The following LUZP1 variants were observed in gnomAD, a reference collection of about 807,000 sequenced individuals.
LUZP1 encodes the protein filamin mechanobinding actin cross-linking protein.
A neutral mutation model predicts 71.3 loss-of-function variants in LUZP1; 25 were observed. That is an observed-to-expected ratio of 0.35 (90% CI 0.26 to 0.49). The LOEUF (loss-of-function observed/expected upper bound fraction) is 0.49. Among genes scored for constraint, LUZP1 ranks in the 20% least tolerant of loss-of-function variants. The pLI is 0.99. For missense variants in LUZP1, 1,142 were observed against 1,300.8 expected (o/e 0.88, Z 1.88); for synonymous variants, 481 against 506.4 (o/e 0.95, Z 0.67).
At chr1:23,110,538 GACT>G (rs1644019416) in intron 2 of LUZP1, among the ~76,000 whole-genome samples, 1 of 151,832 alleles carries the variant, frequency 6.6e-6, no homozygotes, top group Non-Finnish European at 1.5e-5. Context: ...TGCCTTCCAA[GACT>G]ATTGGTCCCT....
At chr1:23,089,343 G>A (rs1471727146) in intron 4 of LUZP1, among the ~76,000 whole-genome samples, 1 of 152,152 alleles carries the variant, frequency 6.6e-6, no homozygotes, top group Non-Finnish European at 1.5e-5. Flanking sequence ...TGGAATGGGG[G>A]CATGGGACTA....
In LUZP1 at chr1:23,175,309, G is replaced by A. The variant is rs967770093; in HGVS notation, c.-485+2182C>T. Among the ~76,000 whole-genome samples, 5 of 152,290 alleles carry A rather than the reference G, an allele frequency of 3.3e-5. No homozygotes were observed. In the East Asian group the frequency reaches 9.6e-4, roughly 29 times the overall value. On this transcript the variant is annotated intron_variant, in intron 1 of 4. Coordinates refer to ENST00000302291, the Ensembl canonical transcript of LUZP1. ...GCAAGTCATTGAACTCTTCTCAGCA[G>A]CAGTTTTCCCACCTCTGCAGAGTAA...
rs1211966720 is a variant in LUZP1, at chr1:23,093,609, A to C, written c.653T>G (p.Leu218Arg). 1.2e-6 allele frequency: 2 copies of C among 1,612,132 alleles called. No individual in the cohort carries two copies. The highest frequency in any genetic ancestry group is 1.7e-6 in the Non-Finnish European group (2 of 1,179,654). ...TCGGTTCATTTTTTTGTTCTGCTCT[A>C]GTTTTTGAGTGAGTTCTTTTATCAA... Residue 218 changes from leucine to arginine, a missense_variant, in exon 4 of 5, where the codon CTA (leucine) becomes CGA (arginine). Physicochemically the swap from Leu to Arg is moderately radical, Grantham distance 102. Transcript: ENST00000302291. This position sits in a 1 kb window ranked among gnomAD's most constrained non-coding sequence, Gnocchi z 4.2.
intron 2 of LUZP1, among the ~76,000 whole-genome samples, chr1:23,122,578 C>T (rs1476730977): frequency 6.6e-6 from 1 of 152,202 alleles, no homozygotes; most frequent in Non-Finnish European, 1.5e-5. Context: ...AATGAGCATG[C>T]CACCTGACAC....
chr1:23,142,694 TATATATAC>T (rs1189885700), intron 2 of LUZP1, among the ~76,000 whole-genome samples: 331 of 85,764 alleles, frequency 3.9e-3, no homozygotes, highest in African/African-American at 0.014. Flanking sequence ...AAAATATATA[TATATATAC>T]ACACACACAC....
chr1:23,129,260 C>T (rs1018224244), intron 2 of LUZP1, among the ~76,000 whole-genome samples: 3 of 152,096 alleles, frequency 2.0e-5, no homozygotes, highest in Admixed American at 6.6e-5. Context: ...AATTAATGAC[C>T]ATTGCCTTAT....
chr1:23,174,047 G>GTATA lies in LUZP1; in HGVS notation c.-485+3440_-485+3443dup, dbSNP rs917643012. ...CCCCAGAGAAACAGAACCAATAGGAGTATATATATATATAATTTACTTATT... is the reference window on the plus strand; with the variant it reads ...CCCCAGAGAAACAGAACCAATAGGAGTATATATATATATATATAATTTACTTATT... On this transcript the variant is annotated intron_variant, in intron 1 of 4. Coordinates refer to ENST00000302291, the Ensembl canonical transcript of LUZP1. Among the ~76,000 whole-genome samples the GTATA allele has an allele frequency of 2.0e-5, 3 of 151,476 alleles. No individual in the cohort carries two copies. In the East Asian group the frequency reaches 5.8e-4, roughly 29 times the overall value.
chr1:23,092,224 G>A (rs1208431971), exon 4 of LUZP1: 2 of 1,614,120 alleles, frequency 1.2e-6, no homozygotes, highest in East Asian at 2.2e-5. Context: ...TCTGGCTCTG[G>A]AGTGATGGTT....
chr1:23,165,576 T>C (rs939237423), intron 2 of LUZP1, among the ~76,000 whole-genome samples: 4 of 151,988 alleles, frequency 2.6e-5, no homozygotes, highest in Non-Finnish European at 4.4e-5. Flanking sequence ...CTCAGAAGGC[T>C]GACGTGGGAA....
chr1:23,092,639 C>T, exon 4 of LUZP1: 2 of 1,614,202 alleles, frequency 1.2e-6, no homozygotes, highest in Non-Finnish European at 8.5e-7. Context: ...CGTGTCCCCT[C>T]TTGCCAAAGA....
At chr1:23,177,638 A>G (rs1283798721) in exon 1 of LUZP1, 1 of 152,254 alleles carries the variant, frequency 6.6e-6, no homozygotes, top group Non-Finnish European at 1.5e-5. Context: ...CTCCTGCGCC[A>G]GTGAGCCATG....
chr1:23,127,333 G>T (rs1230802042), intron 2 of LUZP1, among the ~76,000 whole-genome samples: 6 of 152,034 alleles, frequency 3.9e-5, no homozygotes, highest in East Asian at 1.9e-4. Context: ...TAAATTCTTG[G>T]TTTTTTTCAC....
chr1:23,100,124 T>G (rs1203521362), intron 3 of LUZP1, among the ~76,000 whole-genome samples: 1 of 152,244 alleles, frequency 6.6e-6, no homozygotes, highest in East Asian at 1.9e-4. Flanking sequence ...CAGCTTTATT[T>G]ACTCAATTCT....
chr1:23,146,825 C>T (rs769725956), intron 2 of LUZP1, among the ~76,000 whole-genome samples: 2 of 151,426 alleles, frequency 1.3e-5, no homozygotes, highest in East Asian at 2.0e-4. Flanking sequence ...AGGCTGGGCG[C>T]GATGGCTCAC....
chr1:23,161,368 T>TCAGG, intron 2 of LUZP1, among the ~76,000 whole-genome samples: 1 of 152,204 alleles, frequency 6.6e-6, no homozygotes, highest in South Asian at 2.1e-4. Context: ...ATACATAAGC[T>TCAGG]CAGGCATGAA....
At chr1:23,138,312 T>TA (rs1465855499) in intron 2 of LUZP1, among the ~76,000 whole-genome samples, 2 of 152,198 alleles carry the variant, frequency 1.3e-5, no homozygotes, top group African/African-American at 2.4e-5. Context: ...TTATTAGCCT[T>TA]AAAAAAATAA....
At chr1:23,107,089 A>C (rs1380689889) in intron 3 of LUZP1, among the ~76,000 whole-genome samples, 1 of 152,158 alleles carries the variant, frequency 6.6e-6, no homozygotes, top group African/African-American at 2.4e-5. Context: ...CAGAGATTTT[A>C]TACCTGCTGT....
At chr1:23,156,274 G>A (rs1428786766) in intron 2 of LUZP1, among the ~76,000 whole-genome samples, 1 of 152,140 alleles carries the variant, frequency 6.6e-6, no homozygotes, top group Non-Finnish European at 1.5e-5. Context: ...CAGCTACTGG[G>A]GAGGCTGAGG....
chr1:23,162,028 A>C (rs1267973166), intron 2 of LUZP1, among the ~76,000 whole-genome samples: 6 of 148,536 alleles, frequency 4.0e-5, no homozygotes, highest in Middle Eastern at 3.5e-3. Context: ...TGTCTCAAAA[A>C]AAAAAAAAAA....
Sources: allele counts gnomAD v4.1 joint callset (sites outside exome capture counted in the v4.1 genomes callset), GRCh38; gene constraint gnomAD v4.1.1; non-coding constraint Gnocchi (gnomAD v3.1); transcripts MANE v1.5; gene names NCBI Gene and HGNC (gene_info 2026-07-23, HGNC 2026-07-21).